Variants in LCN8 observed in about 807,000 individuals in gnomAD.
LCN8 encodes lipocalin 8.
A neutral mutation model predicts 22.8 loss-of-function variants in LCN8; 16 were observed. That is an observed-to-expected ratio of 0.70 (90% confidence interval 0.47 to 1.06). LCN8 has a LOEUF of 1.06. Ranked by LOEUF, LCN8 falls within the 50% of genes least tolerant of loss-of-function variation. The pLI, the probability that LCN8 is intolerant of heterozygous loss-of-function variation, is 0.00. For synonymous variants in LCN8, 92 were observed against 83.4 expected (o/e 1.10, Z -0.56); for missense variants, 189 against 203.3 (o/e 0.93, Z 0.43).
At chr9:136,758,343 G>A (rs117158234), upstream of LCN8, 143 of 1,076,410 alleles carry the variant, frequency 1.3e-4, 1 homozygote, top group East Asian at 8.2e-3. Flanking sequence ...TTTTGGGCTC[G>A]TTCTGGCCTG....
intron 3 of LCN8, 126 bp from the exon 4 acceptor site, chr9:136,755,642 T>C: frequency 6.5e-7 from 1 of 1,529,416 alleles, no homozygotes; most frequent in South Asian, 1.2e-5. Context: ...TTGGAGACAC[T>C]ACAGAAGCTT....
upstream of LCN8, chr9:136,758,464 A>C: frequency 2.0e-6 from 2 of 991,910 alleles, no homozygotes; most frequent in South Asian, 4.6e-5. Flanking sequence ...GTGGGCAGTC[A>C]GAGCTCCGGA....
rs544960164 is a variant in LCN8 at position 136,757,180 on chromosome 9, C to T, written c.25-12G>A. ...CAGAATCCTCCAATCTAGAGAGATACGGAGCCTGGCCAAGAGCTGAGCAGT... is the reference window on the plus strand; with the variant it reads ...CAGAATCCTCCAATCTAGAGAGATATGGAGCCTGGCCAAGAGCTGAGCAGT... On this transcript the variant is annotated splice_polypyrimidine_tract_variant and intron_variant, in intron 1 of 6. Transcript: ENST00000371688. 10 of 1,609,340 alleles carry T rather than the reference C, an allele frequency of 6.2e-6. No homozygotes were observed. Among genetic ancestry groups the T allele is most frequent in the African/African-American group, 4.0e-5 (3 of 74,914 alleles).
chr9:136,755,315 T>C lies in LCN8; in HGVS notation c.350A>G (p.Lys117Arg). The C allele has an allele frequency of 6.2e-7, 1 of 1,610,296 alleles. No homozygotes were observed. The highest frequency in any genetic ancestry group is 8.5e-7 in the Non-Finnish European group (1 of 1,179,992). Reference protein sequence around the residue: ...LKYFTRSLEDKDRLGFWKFRE... With the variant: ...LKYFTRSLEDRDRLGFWKFRE... ...AAACTTCCAGAACCCCAGCCGGTCC[T>C]TGTCCTCAAGGCTCCGAGCTGTGGG... The change falls in exon 5 of 7, where the codon AAG becomes AGG. Residue 117 changes from lysine to arginine, a missense_variant. By Grantham distance (26) the Lys-to-Arg change is conservative. Coordinates refer to ENST00000371688, the MANE Select transcript of LCN8 (RefSeq NM_178469.4).
At chr9:136,756,137 A>C in intron 3 of LCN8, 1 of 910,724 alleles carries the variant, frequency 1.1e-6, no homozygotes, top group Non-Finnish European at 1.4e-6. Context: ...CGCAGGGAAC[A>C]GCATGTGGAA....
At position 136,758,170 on chromosome 9, in the gene LCN8, A is replaced by G. The variant is rs1847254709; in HGVS notation, c.-240T>C. ...ATCGGCCCTGGTGACACCCACGCCC[A>G]CCGCAGGGGTTAGCCTGGCCTAGAC... On this transcript the variant is annotated 5_prime_UTR_variant, in exon 1 of 7. Transcript: ENST00000371688. 1 of 1,425,026 alleles carries G rather than the reference A, an allele frequency of 7.0e-7. No individual in the cohort carries two copies. Among genetic ancestry groups the G allele is most frequent in the South Asian group, 1.5e-5 (1 of 67,236 alleles). The allele number at this position is 1,425,026 out of a possible 1,614,324, so 88.3% of individuals were successfully genotyped here. A position where few individuals can be genotyped will look rare whatever the true frequency, so the allele number is the denominator to read the frequency against.
At chr9:136,757,665 C>T (rs1383111097) in intron 1 of LCN8, 2 of 1,432,446 alleles carry the variant, frequency 1.4e-6, no homozygotes, top group South Asian at 3.0e-5. Flanking sequence ...CTTTTAAAAA[C>T]CCTACCATTT....
chr9:136,754,817 G>A, intron 6 of LCN8: 1 of 1,379,442 alleles, frequency 7.2e-7, no homozygotes. Flanking sequence ...CGGCAGTCCT[G>A]CACAGAACAC....
At chr9:136,754,707 G>T in intron 6 of LCN8, 198 bp from the exon 7 acceptor site, 7 of 1,410,730 alleles carry the variant, frequency 5.0e-6, no homozygotes, top group Non-Finnish European at 6.4e-6. Flanking sequence ...CGAGGTGAGG[G>T]AGACACTGGG....
Position 136,757,185 on chromosome 9 carries a change from C to T in LCN8, c.25-17G>A, listed in dbSNP as rs1240073974. ...TCCTCCAATCTAGAGAGATACGGAGCCTGGCCAAGAGCTGAGCAGTGGGTC... is the reference window on the plus strand; with the variant it reads ...TCCTCCAATCTAGAGAGATACGGAGTCTGGCCAAGAGCTGAGCAGTGGGTC... On this transcript the variant is annotated splice_polypyrimidine_tract_variant and intron_variant, in intron 1 of 6. Coordinates refer to ENST00000371688, the MANE Select transcript of LCN8 (RefSeq NM_178469.4). The T allele has an allele frequency of 6.2e-7, 1 of 1,608,512 alleles. No homozygotes were observed. Among genetic ancestry groups the T allele is most frequent in the Non-Finnish European group, 8.5e-7 (1 of 1,177,492 alleles).
chr9:136,756,412 A>T (rs752734018), intron 3 of LCN8, 110 bp downstream of exon 3: 64 of 1,608,044 alleles, frequency 4.0e-5, no homozygotes, highest in Non-Finnish European at 4.8e-5. Context: ...CACAGAGAAC[A>T]GTGCAGGGAA....
At position 136,755,525 on chromosome 9, in the gene LCN8, G is replaced by A; in HGVS notation, c.227-9C>T. On this transcript the variant is annotated splice_polypyrimidine_tract_variant and intron_variant, in intron 3 of 6. Coordinates refer to ENST00000371688, the MANE Select transcript of LCN8 (RefSeq NM_178469.4). ...GTGGATCTCTCTGTGGCCTTCAAGA[G>A]CCGGCCATGGCGTTGGGGGAGACGT... The A allele has an allele frequency of 6.2e-7, 1 of 1,609,200 alleles. No individual in the cohort carries two copies. Among genetic ancestry groups the A allele is most frequent in the South Asian group, 1.1e-5 (1 of 90,514 alleles).
Position 136,754,451 on chromosome 9 carries a change from G to C in LCN8, c.*47C>G. On this transcript the variant is annotated 3_prime_UTR_variant, in exon 7 of 7. Coordinates refer to ENST00000371688, the MANE Select transcript of LCN8 (RefSeq NM_178469.4). ...GTGGGCAGGGTGCCCAGGAGGGGCA[G>C]GGGTGGGCGGGCGCTCCGAACCTTG... 6.4e-7 allele frequency: 1 copy of C among 1,554,200 alleles called. No individual in the cohort carries two copies. Among genetic ancestry groups the C allele is most frequent in the Non-Finnish European group, 8.7e-7 (1 of 1,149,000 alleles).
Position 136,755,310 on chromosome 9 carries a change from G to C in LCN8, c.355C>G (p.Arg119Gly), listed in dbSNP as rs766977679. ...YFTRSLEDKDRLGFWKFRELT... is the reference protein window; with the variant it reads ...YFTRSLEDKDGLGFWKFRELT... ...TCCCGAAACTTCCAGAACCCCAGCC[G>C]GTCCTTGTCCTCAAGGCTCCGAGCT... Residue 119 changes from arginine (R) to glycine (G), a missense_variant, in exon 5 of 7, where the codon CGG (arginine) becomes GGG (glycine). Physicochemically the swap from Arg to Gly is moderately radical, Grantham distance 125. Coordinates refer to ENST00000371688, the MANE Select transcript of LCN8 (RefSeq NM_178469.4). 1 of 1,610,402 alleles carries C rather than the reference G, an allele frequency of 6.2e-7. No homozygotes were observed. The highest frequency in any genetic ancestry group is 8.5e-7 in the Non-Finnish European group (1 of 1,179,996).
upstream of LCN8, chr9:136,758,331 T>C: frequency 6.4e-6 from 7 of 1,099,780 alleles, no homozygotes; most frequent in Non-Finnish European, 7.8e-6. Flanking sequence ...TGACACTTGT[T>C]TTTTTGGGCT....
chr9:136,757,584 C>T, intron 1 of LCN8: 1 of 1,393,282 alleles, frequency 7.2e-7, no homozygotes, highest in Non-Finnish European at 9.3e-7. Flanking sequence ...AGCTCGCCAG[C>T]CTGCCAACCA....
Position 136,757,140 on chromosome 9 carries a change from A to C in LCN8, c.53T>G (p.Val18Gly), listed in dbSNP as rs751885400. ...CAGCACCAGGCTTTGATCGGAGGCC[A>C]CACCGACTTCCCTCCAGAATCCTCC... ...KIGGFWREVGVASDQSLVLTA... is the reference protein window; with the variant it reads ...KIGGFWREVGGASDQSLVLTA... Residue 18 changes from valine to glycine, a missense_variant, in exon 2 of 7, where the codon GTG becomes GGG. Val to Gly is a moderately radical substitution (Grantham distance 109, BLOSUM62 -3). Transcript: ENST00000371688. 17 of 1,613,134 alleles carry C rather than the reference A, an allele frequency of 1.1e-5. No homozygotes were observed. Among genetic ancestry groups the C allele is most frequent in the Admixed American group, 1.7e-5 (1 of 59,938 alleles).
At chr9:136,758,495 C>T (rs888930320), upstream of LCN8, 59 of 991,766 alleles carry the variant, frequency 5.9e-5, no homozygotes, top group Middle Eastern at 8.5e-4. Context: ...ACAGCGCCAG[C>T]GACCAGAGTG....
intron 1 of LCN8, chr9:136,757,393 C>T (rs1401021752): frequency 2.1e-6 from 3 of 1,423,574 alleles, no homozygotes; most frequent in Non-Finnish European, 2.7e-6. Flanking sequence ...ACAGGGCAGC[C>T]CCTCCCCACT....
Sources: gnomAD v4.1 joint callset for allele counts on GRCh38, gnomAD v4.1.1 for gene constraint, MANE v1.5 for transcripts, NCBI Gene and HGNC (gene_info 2026-07-23, HGNC 2026-07-21) for gene names.